PLXDC2: variants seen among roughly 807,000 people sequenced by gnomAD.
The protein encoded by PLXDC2 is plexin domain-containing protein 2.
In PLXDC2, 40 loss-of-function variants were observed where a neutral mutation model predicts 68.9. The observed-to-expected ratio is 0.58, with a 90% CI of 0.45 to 0.76. PLXDC2 has a LOEUF of 0.76. PLXDC2 is among the 30% of genes least tolerant of loss of function. The pLI is 0.00. For synonymous variants in PLXDC2, 243 were observed against 234.2 expected, an observed-to-expected ratio of 1.04 and a Z score of -0.34; for missense variants, 644 against 661.9, an observed-to-expected ratio of 0.97 and a Z score of 0.30.
intron 2 of PLXDC2, among the ~76,000 whole-genome samples, chr10:20,017,764 A>G (rs1397029195): frequency 1.3e-5 from 2 of 152,260 alleles, no homozygotes; most frequent in East Asian, 3.8e-4. Flanking sequence ...TCTCGTATTT[A>G]AAGATGATCA....
chr10:19,913,896 G>T (rs763756850), intron 1 of PLXDC2, among the ~76,000 whole-genome samples: 2 of 151,892 alleles, frequency 1.3e-5, no homozygotes, highest in Non-Finnish European at 2.9e-5. Flanking sequence ...AGTTCTACCC[G>T]AATCATCAGA....
intron 1 of PLXDC2, among the ~76,000 whole-genome samples, chr10:19,990,076 T>G (rs965157754): frequency 1.3e-5 from 2 of 152,058 alleles, no homozygotes; most frequent in East Asian, 3.9e-4. Flanking sequence ...GAGGTCATGC[T>G]TACTTTACCA....
At chr10:20,086,946 C>T (rs11011788) in intron 4 of PLXDC2, among the ~76,000 whole-genome samples, 31,460 of 152,084 alleles carry the variant, frequency 0.21, 3,950 homozygotes, top group African/African-American at 0.35. Flanking sequence ...GATCCTAAAT[C>T]TAAGGCAAAA....
At chr10:20,234,663 C>CTTTTT (rs58791520) in intron 12 of PLXDC2, among the ~76,000 whole-genome samples, 7 of 125,394 alleles carry the variant, frequency 5.6e-5, no homozygotes, top group Admixed American at 1.7e-4. Context: ...GGGTTTCTTT[C>CTTTTT]TTTTTTTTTT....
Position 19,909,006 on chromosome 10 carries a change from A to T in PLXDC2, c.112+91815A>T, listed in dbSNP as rs186185470. ...AAAGTTCCGTCCAAGGAACTTATAC[A>T]CTAGCAAAGTGGTCCTTATGACTGT... On this transcript the variant is annotated intron_variant, in intron 1 of 13. Transcript: ENST00000377252. Among the ~76,000 whole-genome samples the T allele has an allele frequency of 2.3e-3, 350 of 152,318 alleles. 2 individuals are homozygous for T. Among genetic ancestry groups the T allele is most frequent in the Non-Finnish European group, 2.3e-3 (158 of 68,020 alleles).
At chr10:20,065,951 A>G (rs1836202619) in intron 3 of PLXDC2, among the ~76,000 whole-genome samples, 1 of 152,234 alleles carries the variant, frequency 6.6e-6, no homozygotes, top group Non-Finnish European at 1.5e-5. Flanking sequence ...GCCCCGGCTT[A>G]GAGAATGAAT....
At chr10:20,006,602 CCCAAA>C (rs1835032408) in intron 2 of PLXDC2, among the ~76,000 whole-genome samples, 2 of 152,154 alleles carry the variant, frequency 1.3e-5, no homozygotes, top group Non-Finnish European at 2.9e-5. Context: ...CAACAAAAAT[CCCAAA>C]CCAACACAAG....
In PLXDC2 at chr10:20,247,489, A is replaced by AAG. The variant is rs1835615824; in HGVS notation, c.1473+1984_1473+1985insAG. The stretch of plus-strand genomic sequence containing the variant: ...GAGGCCTGGTCTAGGAAAAAAAAAA[A>AAG]TTTCCTCCCTTCCCATATTAGTTCT... On this transcript the variant is annotated intron_variant, in intron 13 of 13. Coordinates refer to ENST00000377252, the MANE Select transcript of PLXDC2 (RefSeq NM_032812.9). 3.3e-5 allele frequency among the ~76,000 whole-genome samples: 5 copies of AAG among 149,904 alleles called. No individual in the cohort carries two copies. The South Asian group carries it at 8.5e-4, about 26-fold the overall frequency.
intron 1 of PLXDC2, among the ~76,000 whole-genome samples, chr10:19,880,418 ATAAC>A (rs1333340830): frequency 2.6e-5 from 4 of 152,228 alleles, no homozygotes; most frequent in Non-Finnish European, 4.4e-5. Context: ...ATTAACAACA[ATAAC>A]TAATAATAAA....
intron 2 of PLXDC2, among the ~76,000 whole-genome samples, chr10:20,011,395 C>G (rs1246252103): frequency 6.6e-6 from 1 of 152,158 alleles, no homozygotes; most frequent in African/African-American, 2.4e-5. Context: ...CAGGGAAATT[C>G]ACATTTGAGG....
chr10:19,904,948 A>G (rs1241654863), intron 1 of PLXDC2, among the ~76,000 whole-genome samples: 1 of 152,210 alleles, frequency 6.6e-6, no homozygotes, highest in Non-Finnish European at 1.5e-5. Flanking sequence ...GTCATGTAGA[A>G]TAGGAACACC....
chr10:20,130,054 T>C (rs1307001308), intron 4 of PLXDC2, among the ~76,000 whole-genome samples: 2 of 152,072 alleles, frequency 1.3e-5, no homozygotes, highest in Non-Finnish European at 2.9e-5. Context: ...GAAAATGCCA[T>C]TGGGATTTTG....
At chr10:20,037,635 C>T (rs1391416951) in intron 2 of PLXDC2, among the ~76,000 whole-genome samples, 3 of 152,026 alleles carry the variant, frequency 2.0e-5, no homozygotes, top group African/African-American at 7.2e-5. Flanking sequence ...ATAAATGAAC[C>T]AACATAAACA....
intron 1 of PLXDC2, among the ~76,000 whole-genome samples, chr10:19,996,659 C>G (rs1834849010): frequency 6.6e-6 from 1 of 152,078 alleles, no homozygotes; most frequent in Non-Finnish European, 1.5e-5. Context: ...CCTGAGGCAC[C>G]TGTATTAGTC....
At chr10:19,846,063 A>G (rs764937539) in intron 1 of PLXDC2, among the ~76,000 whole-genome samples, 18 of 152,166 alleles carry the variant, frequency 1.2e-4, no homozygotes, top group Non-Finnish European at 2.6e-4. Flanking sequence ...CTTTATTTCC[A>G]GAATAGCCTG....
chr10:19,830,589 C>G (rs1330489094), intron 1 of PLXDC2, among the ~76,000 whole-genome samples: 1 of 152,164 alleles, frequency 6.6e-6, no homozygotes, highest in African/African-American at 2.4e-5. Flanking sequence ...ATGTCCTCTC[C>G]CCACTCTATG....
intron 4 of PLXDC2, among the ~76,000 whole-genome samples, chr10:20,098,070 T>C (rs1833374729): frequency 6.6e-6 from 1 of 151,844 alleles, no homozygotes; most frequent in South Asian, 2.1e-4. Context: ...TTTTATTGTT[T>C]TATTTGTGGG....
At chr10:19,860,546 C>T (rs916820304) in intron 1 of PLXDC2, among the ~76,000 whole-genome samples, 11 of 152,184 alleles carry the variant, frequency 7.2e-5, no homozygotes, top group African/African-American at 2.2e-4. Context: ...AGAATGAATT[C>T]ATTCTCTGAA....
At chr10:19,844,139 G>A (rs546255924) in intron 1 of PLXDC2, among the ~76,000 whole-genome samples, 7 of 152,242 alleles carry the variant, frequency 4.6e-5, no homozygotes, top group East Asian at 1.9e-4. Context: ...TGTAGTGAGC[G>A]GTGTTCTCAA....
Sources: gnomAD v4.1 joint callset for allele counts (sites outside exome capture counted in the v4.1 genomes callset) on GRCh38, gnomAD v4.1.1 for gene constraint, MANE v1.5 for transcripts, NCBI Gene and HGNC (gene_info 2026-07-23, HGNC 2026-07-21) for gene names.